The following WNT2 variants were observed in gnomAD, a reference collection of about 807,000 sequenced individuals.
WNT2 encodes protein Wnt-2.
Under a neutral mutation model 36.9 loss-of-function variants are expected in WNT2, and 12 were observed. The observed-to-expected ratio is 0.33, with a 90% CI of 0.21 to 0.53. The LOEUF (loss-of-function observed/expected upper bound fraction) is 0.53, where lower values mean the gene tolerates loss of function less well. WNT2 is among the 20% of genes least tolerant of loss of function. The pLI is 0.95. For missense variants in WNT2, 379 were observed against 473.1 expected, an observed-to-expected ratio of 0.80 and a Z score of 1.84; for synonymous variants, 163 against 174.6, an observed-to-expected ratio of 0.93 and a Z score of 0.52.
In WNT2 at chr7:117,320,658, T is replaced by C; in HGVS notation, c.219A>G (p.Thr73=). ...GGCGGAACTGGTGCTGGCATTCTGC[T>C]GTCCACTCGGCCACGCCCTGGCTAA... ...RAISQGVAEW[T]AECQHQFRQH... The change falls in exon 2 of 5, where the codon ACA becomes ACG. Residue 73 remains threonine (T), a synonymous_variant. Transcript: ENST00000265441. 3 of 1,614,012 alleles carry C rather than the reference T, an allele frequency of 1.9e-6. No individual in the cohort carries two copies. The highest frequency in any genetic ancestry group is 3.3e-5 in the Admixed American group (2 of 60,012).
intron 1 of WNT2, among the ~76,000 whole-genome samples, chr7:117,321,081 G>C (rs1251713646): frequency 6.6e-6 from 1 of 152,164 alleles, no homozygotes; most frequent in Non-Finnish European, 1.5e-5. Flanking sequence ...GGGCACAGAG[G>C]CAAAGTCGGC....
At chr7:117,302,270 A>C (rs1794921094) in intron 3 of WNT2, among the ~76,000 whole-genome samples, 1 of 152,250 alleles carries the variant, frequency 6.6e-6, no homozygotes, top group Admixed American at 6.5e-5. Context: ...AAGTACTAAC[A>C]AAAGGACAAA....
intron 4 of WNT2, among the ~76,000 whole-genome samples, chr7:117,297,240 TCTTTA>T (rs1246364841): frequency 6.6e-6 from 1 of 152,198 alleles, no homozygotes; most frequent in African/African-American, 2.4e-5. Flanking sequence ...TCTTTTCTTT[TCTTTA>T]TTCTTTTTTT....
At chr7:117,291,526 T>C (rs1283870475) in intron 4 of WNT2, among the ~76,000 whole-genome samples, 1 of 152,134 alleles carries the variant, frequency 6.6e-6, no homozygotes, top group Non-Finnish European at 1.5e-5. Flanking sequence ...TAGATAACTA[T>C]AGAGCCACCA....
chr7:117,304,349 T>C (rs1046640372), intron 3 of WNT2, among the ~76,000 whole-genome samples: 6 of 152,210 alleles, frequency 3.9e-5, no homozygotes, highest in African/African-American at 1.4e-4. Context: ...CATTCCCTTA[T>C]TCTTGGGTTC....
At chr7:117,281,790 A>G (rs1794494333) in intron 4 of WNT2, among the ~76,000 whole-genome samples, 1 of 152,162 alleles carries the variant, frequency 6.6e-6, no homozygotes, top group Non-Finnish European at 1.5e-5. Context: ...GAGTAGAGGG[A>G]GTGTCAAGTA....
chr7:117,309,183 C>T (rs1795074628), intron 3 of WNT2, among the ~76,000 whole-genome samples: 1 of 138,944 alleles, frequency 7.2e-6, no homozygotes, highest in Admixed American at 7.2e-5. Context: ...GACCCTGTCT[C>T]CAAAAAAAAA....
At chr7:117,316,917 C>T (rs911113998) in intron 2 of WNT2, among the ~76,000 whole-genome samples, 10 of 152,114 alleles carry the variant, frequency 6.6e-5, no homozygotes, top group Middle Eastern at 6.3e-3. Context: ...TAAAAGAAGG[C>T]GACTAATACA....
At position 117,275,722 on chromosome 7, in the gene WNT2, A is replaced by AT. The variant is rs541966835; in HGVS notation, c.*2432dup. 2.2e-3 allele frequency among the ~76,000 whole-genome samples: 337 copies of AT among 152,170 alleles called. 4 individuals carry two copies. The highest frequency in any genetic ancestry group is 7.8e-3 in the African/African-American group (323 of 41,526). ...TAAAATTACCTTCATTTGTTGTGTA[A>AT]TTTTTTTCCCGAACAATAGACATTT... On this transcript the variant is annotated 3_prime_UTR_variant, in exon 5 of 5. Coordinates refer to ENST00000265441, the MANE Select transcript of WNT2 (RefSeq NM_003391.3).
rs1239591154 is a variant in WNT2, at chr7:117,322,939, G to C, written c.51C>G (p.Thr17=). Residue 17 remains threonine, a synonymous_variant, in exon 1 of 5, where the codon ACC becomes ACG. Coordinates refer to ENST00000265441, the MANE Select transcript of WNT2 (RefSeq NM_003391.3). The surrounding 1 kb of genome is among the most constrained non-coding windows in gnomAD (Gnocchi z 5.4). The part of the protein sequence containing the change: ...GIWLWLPLLL[T]WLTPEVNSSW... ...AAGAGTTGACCTCGGGGGTGAGCCA[G>C]GTCAAGAGCAGAGGGAGCCAGAGCC... is the stretch of plus-strand genomic sequence containing the variant. The C allele has an allele frequency of 6.2e-7, 1 of 1,613,890 alleles. No individual in the cohort carries two copies.
chr7:117,289,596 G>A (rs569578547), intron 4 of WNT2, among the ~76,000 whole-genome samples: 20 of 152,328 alleles, frequency 1.3e-4, no homozygotes, highest in African/African-American at 4.8e-4. Context: ...ACACACAGAA[G>A]AATGCAGCTA....
chr7:117,280,081 G>A (rs62469408), intron 4 of WNT2, among the ~76,000 whole-genome samples: 1,859 of 152,180 alleles, frequency 0.012, 18 homozygotes, highest in Non-Finnish European at 0.019. Flanking sequence ...GGCAGCGTTT[G>A]GTCAGAATGA....
In WNT2 at chr7:117,322,762, G is replaced by A; in HGVS notation, c.83+145C>T. 1 of 747,944 alleles carries A rather than the reference G, an allele frequency of 1.3e-6. No homozygotes were observed. Among genetic ancestry groups the A allele is most frequent in the African/African-American group, 1.7e-5 (1 of 57,434 alleles). The allele number at this position is 747,944 out of a possible 1,614,324, so 46.3% of individuals were successfully genotyped here. ...GAAAAGAGAAGGGGCTCACCATGGGGCGATAAGAGGGCAGTAGCCAGGGTT... is the reference window on the plus strand; with the variant it reads ...GAAAAGAGAAGGGGCTCACCATGGGACGATAAGAGGGCAGTAGCCAGGGTT... On this transcript the variant is annotated intron_variant, in intron 1 of 4. Coordinates refer to ENST00000265441, the MANE Select transcript of WNT2 (RefSeq NM_003391.3). The surrounding 1 kb of genome is among the most constrained non-coding windows in gnomAD (Gnocchi z 5.4).
At chr7:117,315,585 T>C (rs533004367) in intron 2 of WNT2, among the ~76,000 whole-genome samples, 1 of 152,314 alleles carries the variant, frequency 6.6e-6, no homozygotes, top group East Asian at 1.9e-4. Context: ...TCTTCTTAAA[T>C]AAGCAGTATC....
rs3808190 is a variant in WNT2 at position 117,321,354 on chromosome 7, A to T, written c.84-561T>A. On this transcript the variant is annotated intron_variant, in intron 1 of 4. Transcript: ENST00000265441. ...TTCTTTCCTTACTGAAGAGCCTTTT[A>T]AATATTTCCATTTTGTAGCTCTTTT... Among the ~76,000 whole-genome samples, 137 of 152,346 alleles carry T rather than the reference A, an allele frequency of 9.0e-4. 2 individuals are homozygous for T. The East Asian group carries it at 0.021, about 24-fold the overall frequency.
intron 4 of WNT2, among the ~76,000 whole-genome samples, chr7:117,287,292 C>A (rs931110015): frequency 6.6e-5 from 10 of 152,152 alleles, no homozygotes; most frequent in Non-Finnish European, 1.3e-4. Context: ...TTGCAGTGAG[C>A]CAAGGTCGTG....
chr7:117,305,143 C>T (rs541008782), intron 3 of WNT2, among the ~76,000 whole-genome samples: 2 of 152,126 alleles, frequency 1.3e-5, no homozygotes, highest in East Asian at 1.9e-4. Flanking sequence ...TTCCAGCCCG[C>T]GTCCTCTAGG....
intron 3 of WNT2, among the ~76,000 whole-genome samples, chr7:117,299,572 G>A (rs965661782): frequency 1.8e-4 from 27 of 150,238 alleles, no homozygotes; most frequent in South Asian, 4.2e-4. Context: ...AGCTCACTGC[G>A]GCCTTGAACT....
At chr7:117,314,949 G>T (rs1217096831) in intron 3 of WNT2, 122 bp downstream of exon 3, 2 of 1,398,276 alleles carry the variant, frequency 1.4e-6, no homozygotes, top group Non-Finnish European at 1.9e-6. Flanking sequence ...ATGGCTGGGG[G>T]ACAGTAGGAA....
Sources: allele counts gnomAD v4.1 joint callset (sites outside exome capture counted in the v4.1 genomes callset), GRCh38; gene constraint gnomAD v4.1.1; non-coding constraint Gnocchi (gnomAD v3.1); transcripts MANE v1.5; gene names NCBI Gene and HGNC (gene_info 2026-07-23, HGNC 2026-07-21).